Variants in ETV6 observed in about 807,000 individuals in gnomAD.
The protein encoded by ETV6 is ETS variant transcription factor 6, also known as transcription factor ETV6.
Under a neutral mutation model 51.1 loss-of-function variants are expected in ETV6, and 16 were observed. The observed-to-expected ratio is 0.31, with a 90% CI of 0.21 to 0.48. The LOEUF (loss-of-function observed/expected upper bound fraction) is 0.48, where lower values mean the gene tolerates loss of function less well. ETV6 is among the 20% of genes least tolerant of loss of function. The pLI, the probability that ETV6 is intolerant of heterozygous loss-of-function variation, is 0.99. For synonymous variants in ETV6, 240 were observed against 224.1 expected (o/e 1.07, Z -0.64); for missense variants, 458 against 594.8 (o/e 0.77, Z 2.39).
At chr12:11,682,874 C>G (rs1334565524) in intron 1 of ETV6, among the ~76,000 whole-genome samples, 1 of 152,152 alleles carries the variant, frequency 6.6e-6, no homozygotes, top group Non-Finnish European at 1.5e-5. Flanking sequence ...TGTCAAAGAT[C>G]AGATGGTTCT....
intron 2 of ETV6, among the ~76,000 whole-genome samples, chr12:11,758,068 A>G (rs543949951): frequency 2.0e-5 from 3 of 152,158 alleles, no homozygotes; most frequent in Admixed American, 6.5e-5. Flanking sequence ...GCATTTTGCT[A>G]GGGGTGCCCT....
Position 11,764,697 on chromosome 12 carries a change from G to C in ETV6, c.163+12118G>C, listed in dbSNP as rs371746345. On this transcript the variant is annotated intron_variant, in intron 2 of 7. Transcript: ENST00000396373. Reference sequence around the variant, plus strand: ...TTGACCCTTGGGGAAGGAGCTACCAGAGCTGGGTGGCCTATGTGTGTGTGA... The same window carrying C: ...TTGACCCTTGGGGAAGGAGCTACCACAGCTGGGTGGCCTATGTGTGTGTGA... Among the ~76,000 whole-genome samples, 12 of 152,332 alleles carry C rather than the reference G, an allele frequency of 7.9e-5. No individual in the cohort carries two copies. The East Asian group carries it at 2.3e-3, about 29-fold the overall frequency.
intron 1 of ETV6, among the ~76,000 whole-genome samples, chr12:11,707,303 C>T (rs1865090102): frequency 6.6e-6 from 1 of 152,210 alleles, no homozygotes; most frequent in East Asian, 1.9e-4. Context: ...TTCCCATGAG[C>T]AGGCTTGCTG....
chr12:11,814,724 A>T (rs1945966234), intron 2 of ETV6, among the ~76,000 whole-genome samples: 1 of 152,400 alleles, frequency 6.6e-6, no homozygotes, highest in East Asian at 1.9e-4. Context: ...ATGCAGAAAC[A>T]TAAATGCAGT....
chr12:11,802,704 C>G (rs2136405231), intron 2 of ETV6, among the ~76,000 whole-genome samples: 1 of 152,316 alleles, frequency 6.6e-6, no homozygotes, highest in East Asian at 1.9e-4. Context: ...GTTTGGACTT[C>G]TGGTGGATTA....
At chr12:11,736,121 T>C (rs763174024) in intron 1 of ETV6, among the ~76,000 whole-genome samples, 8 of 152,216 alleles carry the variant, frequency 5.3e-5, no homozygotes, top group Admixed American at 2.0e-4. Context: ...TTAAAGAAGA[T>C]AGAGATTTTC....
At chr12:11,783,638 T>A (rs1945441831) in intron 2 of ETV6, among the ~76,000 whole-genome samples, 1 of 152,170 alleles carries the variant, frequency 6.6e-6, no homozygotes, top group South Asian at 2.1e-4. Flanking sequence ...GGGTGATTTA[T>A]GGAACAGAGT....
intron 2 of ETV6, among the ~76,000 whole-genome samples, chr12:11,800,146 G>C (rs1945726090): frequency 6.6e-6 from 1 of 152,088 alleles, no homozygotes; most frequent in Non-Finnish European, 1.5e-5. Flanking sequence ...AAGGGGAGTG[G>C]ACATCTAAGG....
chr12:11,848,617 TGTGCGCACGCGCGTGTGC>T (rs1340946409), intron 3 of ETV6, among the ~76,000 whole-genome samples: 16 of 152,262 alleles, frequency 1.1e-4, no homozygotes, highest in Non-Finnish European at 8.8e-5. Flanking sequence ...TGTGCGTGTG[TGTGCGCACGCGCGTGTGC>T]ATGCACCCAG....
intron 2 of ETV6, among the ~76,000 whole-genome samples, chr12:11,772,712 T>A (rs1443944390): frequency 6.6e-6 from 1 of 152,210 alleles, no homozygotes; most frequent in African/African-American, 2.4e-5. Flanking sequence ...TCTGCATGAT[T>A]AAAAGAACAA....
chr12:11,772,874 G>A (rs57093886), intron 2 of ETV6, among the ~76,000 whole-genome samples: 2,508 of 152,104 alleles, frequency 0.016, 73 homozygotes, highest in African/African-American at 0.057. Flanking sequence ...GATTGGTCTC[G>A]GGAAGGTCCA....
In ETV6 at chr12:11,806,801, T is replaced by C. The variant is rs544507055; in HGVS notation, c.164-32339T>C. 5.3e-4 allele frequency among the ~76,000 whole-genome samples: 80 copies of C among 152,314 alleles called. 1 individual carries two copies. Among genetic ancestry groups the C allele is most frequent in the African/African-American group, 1.7e-3 (71 of 41,570 alleles). ...TTCAGGCCCCTGCATTTATTGGCAC[T>C]TACGTACATGGTAGTCCTCACACCT... On this transcript the variant is annotated intron_variant, in intron 2 of 7. Transcript: ENST00000396373.
intron 1 of ETV6, among the ~76,000 whole-genome samples, chr12:11,692,664 G>C (rs893300546): frequency 2.6e-5 from 4 of 152,130 alleles, no homozygotes; most frequent in African/African-American, 9.7e-5. Context: ...CATCTACCAG[G>C]AACTAGGCAG....
intron 1 of ETV6, among the ~76,000 whole-genome samples, chr12:11,711,229 T>A (rs1328099977): frequency 6.6e-6 from 1 of 152,210 alleles, no homozygotes; most frequent in African/African-American, 2.4e-5. Flanking sequence ...CCCAGCCATA[T>A]TTCTCCAGGT....
intron 1 of ETV6, among the ~76,000 whole-genome samples, chr12:11,690,763 G>A (rs566502148): frequency 4.6e-5 from 7 of 151,682 alleles, no homozygotes; most frequent in East Asian, 3.9e-4. Flanking sequence ...GGCGGGCGCC[G>A]GTAGTCCCAG....
At chr12:11,743,931 C>A (rs956302363) in intron 1 of ETV6, among the ~76,000 whole-genome samples, 2 of 152,156 alleles carry the variant, frequency 1.3e-5, no homozygotes, top group African/African-American at 4.8e-5. Flanking sequence ...TACGAAGAGG[C>A]AAAGAATGCA....
chr12:11,865,575 C>T (rs556621267), intron 4 of ETV6, among the ~76,000 whole-genome samples: 31 of 147,448 alleles, frequency 2.1e-4, no homozygotes, highest in East Asian at 1.2e-3. Context: ...TTAGTATATT[C>T]GTATATATAA....
At chr12:11,765,960 T>C (rs1945155419) in intron 2 of ETV6, among the ~76,000 whole-genome samples, 1 of 152,154 alleles carries the variant, frequency 6.6e-6, no homozygotes, top group Non-Finnish European at 1.5e-5. Flanking sequence ...CAGGTATGCT[T>C]ATTTCTTCAT....
At chr12:11,834,623 A>T (rs1234247445) in intron 2 of ETV6, among the ~76,000 whole-genome samples, 1 of 152,232 alleles carries the variant, frequency 6.6e-6, no homozygotes, top group Non-Finnish European at 1.5e-5. Flanking sequence ...GATTATTGCC[A>T]TAGCTAGATT....
Sources: allele counts gnomAD v4.1 joint callset (sites outside exome capture counted in the v4.1 genomes callset), GRCh38; gene constraint gnomAD v4.1.1; transcripts MANE v1.5; gene names NCBI Gene and HGNC (gene_info 2026-07-23, HGNC 2026-07-21).